TUSC3: variants seen among roughly 807,000 people sequenced by gnomAD.
The protein encoded by TUSC3 is tumor suppressor candidate 3.
Under a neutral mutation model 44.8 loss-of-function variants are expected in TUSC3, and 45 were observed. The ratio of observed to expected loss-of-function variants is 1.00; its 90% CI spans 0.79 to 1.29. The LOEUF (loss-of-function observed/expected upper bound fraction) is 1.29, where lower values mean the gene tolerates loss of function less well. Ranked by LOEUF, TUSC3 falls within the 50% of genes most tolerant of loss-of-function variation. The pLI, the probability that TUSC3 is intolerant of heterozygous loss-of-function variation, is 0.00. For missense variants in TUSC3, 519 were observed against 437.9 expected (o/e 1.19, Z -1.65); for synonymous variants, 212 against 152.9 (o/e 1.39, Z -2.85).
chr8:15,627,053 C>T (rs919006768), intron 2 of TUSC3, among the ~76,000 whole-genome samples: 2 of 152,184 alleles, frequency 1.3e-5, no homozygotes, highest in East Asian at 1.9e-4. Context: ...CACCCATGCA[C>T]CAGTCAGCGC....
At chr8:15,530,918 T>C (rs1300120002) in intron 2 of TUSC3, among the ~76,000 whole-genome samples, 1 of 152,168 alleles carries the variant, frequency 6.6e-6, no homozygotes, top group Non-Finnish European at 1.5e-5. Flanking sequence ...TCCTTAATCT[T>C]CTTGGCATGT....
At chr8:15,734,628 T>A (rs1810858477) in intron 7 of TUSC3, among the ~76,000 whole-genome samples, 1 of 152,170 alleles carries the variant, frequency 6.6e-6, no homozygotes, top group African/African-American at 2.4e-5. Flanking sequence ...AAAGGTAGGA[T>A]GACAGAAAAA....
chr8:15,769,340 T>C (rs1012373554), downstream of TUSC3, among the ~76,000 whole-genome samples: 2 of 152,276 alleles, frequency 1.3e-5, no homozygotes, highest in Middle Eastern at 3.4e-3. Context: ...GGATTCCCTA[T>C]TTAATAAATG....
chr8:15,444,447 A>G (rs1410585548), intron 1 of TUSC3, among the ~76,000 whole-genome samples: 1 of 152,214 alleles, frequency 6.6e-6, no homozygotes, highest in Admixed American at 6.5e-5. Flanking sequence ...AAGAGGAAAT[A>G]TCAGGCATAA....
At chr8:15,812,525 G>A in the TUSC3 span, among the ~76,000 whole-genome samples, 2 of 152,080 alleles carry the variant, frequency 1.3e-5, no homozygotes, top group African/African-American at 4.8e-5. Flanking sequence ...CAACCAATTA[G>A]GTCACAGGTT....
chr8:15,832,959 C>T, the TUSC3 span, among the ~76,000 whole-genome samples: 1 of 151,450 alleles, frequency 6.6e-6, no homozygotes, highest in Middle Eastern at 3.2e-3. Flanking sequence ...ACTCTCCATT[C>T]AAAAACAGCA....
chr8:15,705,547 A>G (rs1400049056), intron 6 of TUSC3, among the ~76,000 whole-genome samples: 1 of 152,118 alleles, frequency 6.6e-6, no homozygotes, highest in Middle Eastern at 3.2e-3. Flanking sequence ...TGTCAGAGCT[A>G]CAAGACTTAC....
At chr8:15,812,143 A>G in the TUSC3 span, among the ~76,000 whole-genome samples, 2 of 152,368 alleles carry the variant, frequency 1.3e-5, no homozygotes, top group East Asian at 3.9e-4. Flanking sequence ...AGCAGGCATT[A>G]AAGTGCATCT....
chr8:15,581,745 T>C (rs374087885), intron 1 of TUSC3, among the ~76,000 whole-genome samples: 6,828 of 136,184 alleles, frequency 0.05, 327 homozygotes, highest in African/African-American at 0.11. Context: ...GACCCTTAAG[T>C]CTGCAGAGGT....
intron 1 of TUSC3, among the ~76,000 whole-genome samples, chr8:15,595,073 A>C (rs1804007525): frequency 6.6e-6 from 1 of 152,138 alleles, no homozygotes; most frequent in Non-Finnish European, 1.5e-5. Flanking sequence ...GGCTATTCCC[A>C]CCAGTCCCTC....
chr8:15,750,270 C>T (rs930801475), intron 9 of TUSC3, among the ~76,000 whole-genome samples: 6 of 152,008 alleles, frequency 3.9e-5, no homozygotes, highest in Admixed American at 2.6e-4. Context: ...TGAGCCACCA[C>T]GCCCAGCTGA....
At chr8:15,556,639 C>A (rs201772093) in intron 1 of TUSC3, among the ~76,000 whole-genome samples, 21,363 of 135,420 alleles carry the variant, frequency 0.16, 1,617 homozygotes, top group Middle Eastern at 0.19. Flanking sequence ...AAGTGTTCCT[C>A]TTTCTCCACA....
chr8:15,840,750 C>T, the TUSC3 span, among the ~76,000 whole-genome samples: 2,009 of 152,216 alleles, frequency 0.013, 27 homozygotes, highest in Non-Finnish European at 0.023. Flanking sequence ...TAATTTTTAT[C>T]CTTTGAAAGA....
the TUSC3 span, among the ~76,000 whole-genome samples, chr8:15,827,149 A>G: frequency 6.6e-6 from 1 of 152,198 alleles, no homozygotes; most frequent in Non-Finnish European, 1.5e-5. Flanking sequence ...GACTATAAGT[A>G]CATCCCTCTC....
intron 1 of TUSC3, among the ~76,000 whole-genome samples, chr8:15,425,650 G>GTATGCCGAGGACCTAAACCC (rs1446468729): frequency 6.6e-6 from 1 of 152,208 alleles, no homozygotes; most frequent in Non-Finnish European, 1.5e-5. Flanking sequence ...TAGAGAGGCA[G>GTATGCCGAGGACCTAAACCC]TATGCCGAGG....
intron 2 of TUSC3, among the ~76,000 whole-genome samples, chr8:15,511,652 T>C (rs1365242364): frequency 1.3e-5 from 2 of 152,084 alleles, no homozygotes; most frequent in Non-Finnish European, 2.9e-5. Flanking sequence ...GGCAGATCAC[T>C]TGAGGTCAGG....
intron 2 of TUSC3, among the ~76,000 whole-genome samples, chr8:15,636,405 C>G (rs2129169941): frequency 6.6e-6 from 1 of 152,170 alleles, no homozygotes; most frequent in East Asian, 1.9e-4. Context: ...ATACCATTTC[C>G]ACAAGGAAAG....
intron 7 of TUSC3, among the ~76,000 whole-genome samples, chr8:15,733,092 T>G (rs192254240): frequency 3.3e-5 from 5 of 152,308 alleles, no homozygotes; most frequent in Admixed American, 3.3e-4. Flanking sequence ...ACACCTGCTT[T>G]AATATGGTAA....
At chr8:15,699,198 A>G (rs750356317) in intron 6 of TUSC3, among the ~76,000 whole-genome samples, 1 of 152,226 alleles carries the variant, frequency 6.6e-6, no homozygotes, top group Non-Finnish European at 1.5e-5. Flanking sequence ...CACTGTAAAT[A>G]TAACTAGCAA....
Sources: gnomAD v4.1 joint callset for allele counts (sites outside exome capture counted in the v4.1 genomes callset) on GRCh38, gnomAD v4.1.1 for gene constraint, MANE v1.5 for transcripts, NCBI Gene and HGNC (gene_info 2026-07-23, HGNC 2026-07-21) for gene names.